GMEB2: variants seen among roughly 807,000 people sequenced by gnomAD.
GMEB2 encodes glucocorticoid modulatory element binding protein 2, also known as glucocorticoid modulatory element-binding protein 2.
Under a neutral mutation model 45.7 loss-of-function variants are expected in GMEB2, and 7 were observed. The ratio of observed to expected loss-of-function variants is 0.15; its 90% confidence interval spans 0.09 to 0.29. GMEB2 has a LOEUF of 0.29. Among genes scored for constraint, GMEB2 ranks in the 10% least tolerant of loss-of-function variants. The pLI is 1.00. For synonymous variants in GMEB2, 322 were observed against 323.6 expected (o/e 1.00, Z 0.05); for missense variants, 582 against 739.2 (o/e 0.79, Z 2.47).
chr20:63,597,662 A>G, intron 5 of GMEB2, 95 bp downstream of exon 5: 1 of 752,868 alleles, frequency 1.3e-6, no homozygotes, highest in Non-Finnish European at 2.3e-6. Context: ...CACATCTAAA[A>G]TACGCCTCAT....
chr20:63,617,468 CGCGGTCT>C (rs1350514730), intron 2 of GMEB2, among the ~76,000 whole-genome samples: 2 of 152,214 alleles, frequency 1.3e-5, no homozygotes, highest in African/African-American at 2.4e-5. Context: ...GTTCAGGCCA[CGCGGTCT>C]ACGGCAGCCC....
chr20:63,597,665 C>A, intron 5 of GMEB2, 92 bp downstream of exon 5: 1 of 760,478 alleles, frequency 1.3e-6, no homozygotes, highest in Non-Finnish European at 2.3e-6. Context: ...ATCTAAAATA[C>A]GCCTCATCTT....
Position 63,590,404 on chromosome 20 carries a change from C to A in GMEB2, c.1278G>T (p.Pro426=). 1 of 1,574,756 alleles carries A rather than the reference C, an allele frequency of 6.4e-7. No individual in the cohort carries two copies. The highest frequency in any genetic ancestry group is 8.7e-7 in the Non-Finnish European group (1 of 1,154,764). Reference sequence around the variant, plus strand: ...CCAAGACTGTGTATCCCCCGAGCAGCGGGGAGGCCGGGGAGCTGGCGGGGG... The same window carrying A: ...CCAAGACTGTGTATCCCCCGAGCAGAGGGGAGGCCGGGGAGCTGGCGGGGG... The part of the protein sequence containing the change: ...QAPPASSPAS[P]LLGGYTVLAS... Residue 426 remains proline (P), a synonymous_variant, in exon 10 of 10, where the codon CCG becomes CCT. Transcript: ENST00000370077.
In GMEB2 at chr20:63,624,262, C is replaced by CAA. The variant is rs555361048; in HGVS notation, c.-58+2692_-58+2693dup. On this transcript the variant is annotated intron_variant, in intron 1 of 9. Transcript: ENST00000370077. ...TGAAACCCTGTCTCTACTAAAAATA[C>CAA]AAAAAAAAAAAAACAAATTGGCCGG... Among the ~76,000 whole-genome samples, 932 of 133,298 alleles carry CAA rather than the reference C, an allele frequency of 7.0e-3. 8 individuals carry two copies. The highest frequency in any genetic ancestry group is 0.021 in the African/African-American group (766 of 36,370). The allele number at this position is 133,298 out of a possible 152,430, so 87.4% of individuals were successfully genotyped here. A position where few individuals can be genotyped will look rare whatever the true frequency, so the allele number is the denominator to read the frequency against.
intron 6 of GMEB2, among the ~76,000 whole-genome samples, chr20:63,595,146 C>T (rs978855972): frequency 6.6e-5 from 10 of 152,196 alleles, no homozygotes; most frequent in Admixed American, 6.5e-5. Flanking sequence ...GTATCTAAAG[C>T]GTCACCCAAA....
At chr20:63,591,907 G>A (rs977020443) in intron 9 of GMEB2, 115 bp downstream of exon 9, 24 of 858,666 alleles carry the variant, frequency 2.8e-5, no homozygotes, top group African/African-American at 6.8e-5. Flanking sequence ...GAAGCTCGCC[G>A]TGGTGGCGGT....
intron 2 of GMEB2, among the ~76,000 whole-genome samples, chr20:63,610,464 T>C (rs2089560958): frequency 6.6e-6 from 1 of 151,934 alleles, no homozygotes. Context: ...GAGGTTACAG[T>C]GAGCCGAGAT....
chr20:63,607,849 C>CA (rs199568620), intron 2 of GMEB2, among the ~76,000 whole-genome samples: 2 of 9,824 alleles, frequency 2.0e-4, no homozygotes, highest in Non-Finnish European at 1.2e-3. Flanking sequence ...CCCTCTGACC[C>CA]CACCTCCATT....
chr20:63,603,513 G>A (rs557279224), intron 3 of GMEB2, among the ~76,000 whole-genome samples: 13 of 150,768 alleles, frequency 8.6e-5, no homozygotes, highest in South Asian at 2.1e-4. Context: ...GGCGGATCAC[G>A]AAGTCAAGAG....
chr20:63,595,901 G>A (rs2083195866), intron 5 of GMEB2, 134 bp from the exon 6 acceptor site: 4 of 729,546 alleles, frequency 5.5e-6, no homozygotes, highest in South Asian at 3.5e-5. Flanking sequence ...ACAGGGCAGG[G>A]TGGGCTCTAC....
chr20:63,598,630 C>T (rs1330715422), intron 4 of GMEB2, among the ~76,000 whole-genome samples: 1 of 152,178 alleles, frequency 6.6e-6, no homozygotes, highest in East Asian at 1.9e-4. Flanking sequence ...CCAAGTCTAG[C>T]TTGCTGAAGG....
chr20:63,619,228 GCCC>G lies in GMEB2; in HGVS notation c.131+36_131+38del. 1.3e-6 allele frequency: 2 copies of G among 1,538,026 alleles called. No individual in the cohort carries two copies. Among genetic ancestry groups the G allele is most frequent in the Non-Finnish European group, 1.8e-6 (2 of 1,142,184 alleles). On this transcript the variant is annotated intron_variant, in intron 2 of 9. Coordinates refer to ENST00000370077, the MANE Select transcript of GMEB2 (RefSeq NM_012384.5). The surrounding 1 kb of genome is among the most constrained non-coding windows in gnomAD (Gnocchi z 4.6). ...CTGTGCCAAGGACAGCCCAACCCAAGCCCCCATCAGCCCCAATGGCACCGAGGC... is the reference window on the plus strand; with the variant it reads ...CTGTGCCAAGGACAGCCCAACCCAAGCCATCAGCCCCAATGGCACCGAGGC...
intron 2 of GMEB2, among the ~76,000 whole-genome samples, chr20:63,605,211 C>T (rs1380642174): frequency 6.6e-6 from 1 of 151,904 alleles, no homozygotes; most frequent in African/African-American, 2.4e-5. Context: ...TGCACTCCAG[C>T]CTGGGTGAGA....
intron 2 of GMEB2, among the ~76,000 whole-genome samples, chr20:63,617,377 C>T (rs993178085): frequency 2.0e-5 from 3 of 152,172 alleles, no homozygotes; most frequent in Non-Finnish European, 4.4e-5. Context: ...AGGTAGAAAG[C>T]GAGTCCTCCC....
rs1369004850 is a variant in GMEB2 at position 63,619,284 on chromosome 20, G to A, written c.114C>T (p.Thr38=). ...GAGCTTACCCGTGAGGGGCCAAGTT[G>A]GTCGTCACCAACACGGTCTTCACCC... ...VEGVKTVLVT[T]NLAPHGGDLT... The change falls in exon 2 of 10, where the codon ACC becomes ACT. Residue 38 remains threonine (T), a synonymous_variant. Transcript: ENST00000370077. This position sits in a 1 kb window ranked among gnomAD's most constrained non-coding sequence, Gnocchi z 4.6. The A allele has an allele frequency of 2.5e-6, 4 of 1,610,996 alleles. No individual in the cohort carries two copies. In the East Asian group the frequency reaches 9.0e-5, roughly 36 times the overall value.
intron 2 of GMEB2, among the ~76,000 whole-genome samples, chr20:63,606,072 A>G (rs2089516781): frequency 6.6e-6 from 1 of 152,196 alleles, no homozygotes; most frequent in Non-Finnish European, 1.5e-5. Context: ...TTTCCACAAT[A>G]ATTACTTCAT....
intron 1 of GMEB2, among the ~76,000 whole-genome samples, chr20:63,623,096 A>G (rs2089649951): frequency 6.6e-6 from 1 of 152,250 alleles, no homozygotes; most frequent in South Asian, 2.1e-4. Flanking sequence ...GAGGGACAAG[A>G]AAATATTCCC....
At position 63,596,497 on chromosome 20, in the gene GMEB2, G is replaced by A. The variant is rs1395931468; in HGVS notation, c.462-730C>T. ...GCTAATGCTTCTGTGGTCAGCTCAGGACTTGCCTACCTGGCCGGTGGTCCC... is the reference window on the plus strand; with the variant it reads ...GCTAATGCTTCTGTGGTCAGCTCAGAACTTGCCTACCTGGCCGGTGGTCCC... On this transcript the variant is annotated intron_variant, in intron 5 of 9. Coordinates refer to ENST00000370077, the MANE Select transcript of GMEB2 (RefSeq NM_012384.5). 6.6e-5 allele frequency among the ~76,000 whole-genome samples: 10 copies of A among 152,250 alleles called. 1 individual carries two copies. The highest frequency in any genetic ancestry group is 6.5e-4 in the Admixed American group (10 of 15,288).
Position 63,600,585 on chromosome 20 carries a change from G to A in GMEB2, c.357+2380C>T, listed in dbSNP as rs193148865. On this transcript the variant is annotated intron_variant, in intron 4 of 9. Transcript: ENST00000370077. ...ATACAAAAATCAGCCAGGCATGGTG[G>A]TGGGTGCCCGTAGTCCCAGCTACTC... Among the ~76,000 whole-genome samples the A allele has an allele frequency of 3.9e-3, 596 of 151,860 alleles. 2 individuals are homozygous for A. The highest frequency in any genetic ancestry group is 0.014 in the African/African-American group (571 of 41,462).
Sources: allele counts gnomAD v4.1 joint callset (sites outside exome capture counted in the v4.1 genomes callset), GRCh38; gene constraint gnomAD v4.1.1; non-coding constraint Gnocchi (gnomAD v3.1); transcripts MANE v1.5; gene names NCBI Gene and HGNC (gene_info 2026-07-23, HGNC 2026-07-21).